Variants in WWOX observed in about 807,000 individuals in gnomAD.
The protein encoded by WWOX is WW domain-containing oxidoreductase.
WWOX carries 69 observed loss-of-function variants against 46.2 expected under a neutral mutation model. The observed-to-expected ratio is 1.49, with a 90% CI of 1.23 to 1.82. The LOEUF (loss-of-function observed/expected upper bound fraction) is 1.82. WWOX is among the 40% of genes most tolerant of loss of function. The pLI, the probability that WWOX is intolerant of heterozygous loss-of-function variation, is 0.00. For synonymous variants in WWOX, 359 were observed against 202.6 expected (o/e 1.77, Z -6.56); for missense variants, 919 against 542.6 (o/e 1.69, Z -6.89).
intron 6 of WWOX, among the ~76,000 whole-genome samples, chr16:78,409,796 C>A (rs541080569): frequency 6.6e-6 from 1 of 152,184 alleles, no homozygotes; most frequent in South Asian, 2.1e-4. Context: ...TCACCCACAA[C>A]ATCTTCAAAA....
At chr16:79,124,736 A>T (rs1409953721) in intron 8 of WWOX, among the ~76,000 whole-genome samples, 1 of 152,232 alleles carries the variant, frequency 6.6e-6, no homozygotes, top group African/African-American at 2.4e-5. Context: ...TTTGTGTCTT[A>T]AAGTGTTTTG....
At chr16:78,769,828 G>A (rs563101800) in intron 8 of WWOX, among the ~76,000 whole-genome samples, 1 of 150,798 alleles carries the variant, frequency 6.6e-6, no homozygotes, top group African/African-American at 2.4e-5. Flanking sequence ...ACAACATAGG[G>A]AGGTCCTGTC....
intron 5 of WWOX, among the ~76,000 whole-genome samples, chr16:78,230,929 A>G (rs12933454): frequency 4.0e-5 from 6 of 151,808 alleles, no homozygotes; most frequent in Admixed American, 3.9e-4. Context: ...TTCTTAAGAA[A>G]CTCCCATGAT....
chr16:78,907,395 A>T (rs116081354), intron 8 of WWOX, among the ~76,000 whole-genome samples: 2,822 of 152,328 alleles, frequency 0.019, 95 homozygotes, highest in African/African-American at 0.064. Context: ...CTCTGGAATA[A>T]TGGCTGCTAA....
intron 8 of WWOX, among the ~76,000 whole-genome samples, chr16:78,761,624 C>T (rs2049796938): frequency 6.6e-6 from 1 of 152,098 alleles, no homozygotes. Flanking sequence ...GGGCGTCTGA[C>T]ATGTTTGGGT....
Position 78,851,770 on chromosome 16 carries a change from G to C in WWOX, c.1057-359838G>C, listed in dbSNP as rs573627332. On this transcript the variant is annotated intron_variant, in intron 8 of 8. Coordinates refer to ENST00000566780, the MANE Select transcript of WWOX (RefSeq NM_016373.4). ...TTTTGTGCCCAGTTTATAAACTTTAGGGGCTGTAGATGAACTGTTCAAAAG... is the reference window on the plus strand; with the variant it reads ...TTTTGTGCCCAGTTTATAAACTTTACGGGCTGTAGATGAACTGTTCAAAAG... Among the ~76,000 whole-genome samples the C allele has an allele frequency of 7.9e-5, 12 of 152,260 alleles. 1 individual carries two copies. In the South Asian group the frequency reaches 8.3e-4, roughly 11 times the overall value.
intron 5 of WWOX, among the ~76,000 whole-genome samples, chr16:78,250,282 G>C (rs925274531): frequency 2.0e-5 from 3 of 152,214 alleles, no homozygotes; most frequent in African/African-American, 2.4e-5. Context: ...CACAAGCTCG[G>C]TTCTGGAGCT....
intron 8 of WWOX, among the ~76,000 whole-genome samples, chr16:78,779,511 A>G (rs917803358): frequency 3.9e-5 from 6 of 152,154 alleles, no homozygotes; most frequent in African/African-American, 1.4e-4. Context: ...GATTGCTGAC[A>G]TTATTAGTTG....
intron 8 of WWOX, among the ~76,000 whole-genome samples, chr16:78,619,284 A>G (rs1201958895): frequency 3.1e-4 from 38 of 124,366 alleles, no homozygotes; most frequent in African/African-American, 1.1e-3. Context: ...GAATCGCTTG[A>G]ACCTGGGAGT....
At chr16:78,916,520 T>C (rs2045255501) in intron 8 of WWOX, among the ~76,000 whole-genome samples, 1 of 152,044 alleles carries the variant, frequency 6.6e-6, no homozygotes, top group Non-Finnish European at 1.5e-5. Flanking sequence ...ACCAGTAGAG[T>C]GACCTTATAA....
intron 8 of WWOX, among the ~76,000 whole-genome samples, chr16:79,108,701 A>G (rs1191210379): frequency 6.6e-6 from 1 of 152,116 alleles, no homozygotes; most frequent in Non-Finnish European, 1.5e-5. Context: ...CAGGAGTTTG[A>G]GACCAGCCCG....
intron 8 of WWOX, among the ~76,000 whole-genome samples, chr16:78,545,121 C>T (rs990135960): frequency 6.6e-6 from 1 of 152,214 alleles, no homozygotes; most frequent in African/African-American, 2.4e-5. Context: ...TACATACCCA[C>T]ATTCTGATTC....
intron 5 of WWOX, among the ~76,000 whole-genome samples, chr16:78,374,341 C>T (rs148810489): frequency 3.2e-4 from 49 of 152,152 alleles, no homozygotes; most frequent in African/African-American, 1.2e-3. Context: ...TTTAATGGAT[C>T]AGTGAAATCC....
intron 8 of WWOX, among the ~76,000 whole-genome samples, chr16:78,656,781 A>C (rs567649806): frequency 6.6e-6 from 1 of 152,190 alleles, no homozygotes; most frequent in Non-Finnish European, 1.5e-5. Flanking sequence ...TCCAAACCCA[A>C]GCGCCACAAT....
At chr16:79,144,860 G>T (rs1029084982) in intron 8 of WWOX, among the ~76,000 whole-genome samples, 11 of 152,096 alleles carry the variant, frequency 7.2e-5, no homozygotes, top group African/African-American at 2.7e-4. Flanking sequence ...TGTTATAATT[G>T]TTCTATTATT....
chr16:79,174,570 C>T (rs1479758425), intron 8 of WWOX, among the ~76,000 whole-genome samples: 4 of 152,180 alleles, frequency 2.6e-5, no homozygotes, highest in Non-Finnish European at 4.4e-5. Flanking sequence ...ATCACTTGAA[C>T]CTGGGAGACA....
intron 8 of WWOX, among the ~76,000 whole-genome samples, chr16:78,656,063 C>T (rs1289645629): frequency 1.3e-5 from 2 of 152,154 alleles, no homozygotes; most frequent in Admixed American, 6.5e-5. Context: ...GTGGGTTATT[C>T]TTCTCTCTTT....
chr16:79,002,409 A>G (rs915626785), intron 8 of WWOX, among the ~76,000 whole-genome samples: 2 of 151,648 alleles, frequency 1.3e-5, no homozygotes, highest in Non-Finnish European at 2.9e-5. Flanking sequence ...TTTTTAGTAG[A>G]GACAGGGTTT....
At chr16:79,083,239 C>T (rs763769309) in intron 8 of WWOX, among the ~76,000 whole-genome samples, 1 of 152,100 alleles carries the variant, frequency 6.6e-6, no homozygotes, top group Non-Finnish European at 1.5e-5. Context: ...TTGCCATTGC[C>T]ATGTGATTTG....
Sources: gnomAD v4.1 joint callset for allele counts (sites outside exome capture counted in the v4.1 genomes callset) on GRCh38, gnomAD v4.1.1 for gene constraint, MANE v1.5 for transcripts, NCBI Gene and HGNC (gene_info 2026-07-23, HGNC 2026-07-21) for gene names.